Variants in GSG1L observed in about 807,000 individuals in gnomAD.
GSG1L encodes GSG1 like.
A neutral mutation model predicts 42.1 loss-of-function variants in GSG1L; 24 were observed. The observed-to-expected ratio is 0.57, with a 90% confidence interval of 0.41 to 0.80. The LOEUF (loss-of-function observed/expected upper bound fraction) is 0.80, where lower values mean the gene tolerates loss of function less well. Among genes scored for constraint, GSG1L ranks in the 30% least tolerant of loss-of-function variants. The pLI, the probability that GSG1L is intolerant of heterozygous loss-of-function variation, is 0.00. For missense variants in GSG1L, 445 were observed against 472.2 expected (o/e 0.94, Z 0.53); for synonymous variants, 215 against 203.5 (o/e 1.06, Z -0.48).
At chr16:27,902,092 T>C (rs1418332516) in intron 2 of GSG1L, among the ~76,000 whole-genome samples, 1 of 152,172 alleles carries the variant, frequency 6.6e-6, no homozygotes, top group Admixed American at 6.5e-5. Context: ...GTGGTGTTAT[T>C]CACTGGTTTA....
intron 4 of GSG1L, among the ~76,000 whole-genome samples, chr16:27,844,342 C>A (rs759792376): frequency 2.0e-5 from 3 of 152,166 alleles, no homozygotes; most frequent in Non-Finnish European, 2.9e-5. Context: ...GACCTGTTTC[C>A]TGTATTCAGA....
At position 27,788,334 on chromosome 16, in the gene GSG1L, C is replaced by T. The variant is rs1385677175; in HGVS notation, c.*3036G>A. The T allele has an allele frequency of 6.6e-6, 1 of 152,160 alleles. No homozygotes were observed. Among genetic ancestry groups the T allele is most frequent in the South Asian group, 2.1e-4 (1 of 4,828 alleles). 9.4% of individuals were successfully genotyped at this position (152,160 alleles called of 1,614,324 possible). A position where few individuals can be genotyped will look rare whatever the true frequency, so the allele number is the denominator to read the frequency against. On this transcript the variant is annotated 3_prime_UTR_variant, in exon 7 of 7. Transcript: ENST00000447459. ...GGATGAGGAAGGGAGAAGCATCTCC[C>T]ACAACTATTCTGTGCCCATAGTTGC...
chr16:27,970,051 TG>T lies in GSG1L; in HGVS notation c.350-6849del, dbSNP rs560058096. Among the ~76,000 whole-genome samples the T allele has an allele frequency of 1.8e-3, 271 of 152,322 alleles. 7 individuals carry two copies. The highest frequency in any genetic ancestry group is 1.6e-3 in the Non-Finnish European group (112 of 68,030). On this transcript the variant is annotated intron_variant, in intron 1 of 6. Transcript: ENST00000447459. ...AGACCCTTTGCCCACTTTTTAATTG[TG>T]TCATTTGTCCTTTTATTATGGGTGA...
chr16:28,010,443 C>T (rs1042599396), intron 1 of GSG1L, among the ~76,000 whole-genome samples: 2 of 152,102 alleles, frequency 1.3e-5, no homozygotes, highest in Non-Finnish European at 2.9e-5. Flanking sequence ...CACAGAGGCC[C>T]CCTCTGATTG....
At chr16:27,855,129 T>C (rs2083561406) in intron 3 of GSG1L, among the ~76,000 whole-genome samples, 1 of 152,262 alleles carries the variant, frequency 6.6e-6, no homozygotes, top group South Asian at 2.1e-4. Flanking sequence ...GATGGTGGAA[T>C]TGATGAATGA....
At position 28,063,079 on chromosome 16, in the gene GSG1L, G is replaced by C; in HGVS notation, c.346C>G (p.Leu116Val). 2 of 1,426,676 alleles carry C rather than the reference G, an allele frequency of 1.4e-6. No individual in the cohort carries two copies. Among genetic ancestry groups the C allele is most frequent in the Non-Finnish European group, 1.8e-6 (2 of 1,084,326 alleles). 88.4% of individuals were successfully genotyped at this position (1,426,676 alleles called of 1,614,324 possible). A position where few individuals can be genotyped will look rare whatever the true frequency, so the allele number is the denominator to read the frequency against. ...GCCGCCGCCCGCGCGCACTCACCAA[G>C]CCCGCTGAGCTCCTCCTCGCACGAG... is the stretch of plus-strand genomic sequence containing the variant. The part of the protein sequence containing the change: ...WYSCEEELSG[L>V]GEKCRSFIDL... Residue 116 changes from leucine (L) to valine (V), a missense_variant, in exon 1 of 7, where the codon CTT (leucine) becomes GTT (valine). Physicochemically the swap from Leu to Val is conservative, Grantham distance 32. Coordinates refer to ENST00000447459, the MANE Select transcript of GSG1L (RefSeq NM_001109763.2). This position sits in a 1 kb window ranked among gnomAD's most constrained non-coding sequence, Gnocchi z 5.8.
intron 2 of GSG1L, among the ~76,000 whole-genome samples, chr16:27,951,855 G>A (rs1411534338): frequency 6.6e-6 from 1 of 152,168 alleles, no homozygotes; most frequent in East Asian, 1.9e-4. Context: ...TTGAGGGAAC[G>A]AACAAGAGAC....
At chr16:27,940,680 A>T (rs2141082669) in intron 2 of GSG1L, among the ~76,000 whole-genome samples, 1 of 94,440 alleles carries the variant, frequency 1.1e-5, no homozygotes, top group East Asian at 2.5e-4. Context: ...AGGAAGAGGA[A>T]CATCACACTC....
intron 1 of GSG1L, among the ~76,000 whole-genome samples, chr16:28,043,742 C>A (rs931776205): frequency 6.6e-6 from 1 of 152,246 alleles, no homozygotes; most frequent in Non-Finnish European, 1.5e-5. Context: ...ACGGTTTGGG[C>A]CGGGTGTGGT....
intron 1 of GSG1L, among the ~76,000 whole-genome samples, chr16:28,018,740 C>G (rs1355418084): frequency 6.6e-6 from 1 of 152,014 alleles, no homozygotes; most frequent in Non-Finnish European, 1.5e-5. Context: ...GTCCTGAGAT[C>G]AGTCAAATAA....
At chr16:27,997,309 C>CTTTTTTTT (rs34188570) in intron 1 of GSG1L, among the ~76,000 whole-genome samples, 2 of 70,594 alleles carry the variant, frequency 2.8e-5, no homozygotes, top group Non-Finnish European at 5.7e-5. Context: ...GTGTTCTCCA[C>CTTTTTTTT]TTTTTTTTTT....
Position 27,997,309 on chromosome 16 carries a change from C to CTTTTTT in GSG1L, c.350-34112_350-34107dup, listed in dbSNP as rs34188570. The stretch of plus-strand genomic sequence containing the variant: ...GCCTACAGCTGGGAAGTGTTCTCCA[C>CTTTTTT]TTTTTTTTTTTTTTTTTTTTTTTTT... On this transcript the variant is annotated intron_variant, in intron 1 of 6. Coordinates refer to ENST00000447459, the MANE Select transcript of GSG1L (RefSeq NM_001109763.2). Among the ~76,000 whole-genome samples, 11 of 70,594 alleles carry CTTTTTT rather than the reference C, an allele frequency of 1.6e-4. 1 individual carries two copies. The highest frequency in any genetic ancestry group is 2.6e-4 in the Non-Finnish European group (9 of 34,792). 46.3% of individuals were successfully genotyped at this position (70,594 alleles called of 152,430 possible).
rs2085962279 is a variant in GSG1L, at chr16:28,031,375, TG to T, written c.349+31700del. On this transcript the variant is annotated intron_variant, in intron 1 of 6. Transcript: ENST00000447459. ...TGAGATGGGATGGGGTGGGATGAGA[TG>T]GGATGGGATGGGATGAGATGGGATA... is the stretch of plus-strand genomic sequence containing the variant. 3.8e-5 allele frequency among the ~76,000 whole-genome samples: 5 copies of T among 132,346 alleles called. No individual in the cohort carries two copies. The South Asian group carries it at 1.3e-3, about 33-fold the overall frequency. The allele number at this position is 132,346 out of a possible 152,430, so 86.8% of individuals were successfully genotyped here. A position where few individuals can be genotyped will look rare whatever the true frequency, so the allele number is the denominator to read the frequency against.
chr16:27,848,964 G>A (rs553926129), intron 3 of GSG1L, among the ~76,000 whole-genome samples: 2 of 152,200 alleles, frequency 1.3e-5, no homozygotes, highest in African/African-American at 4.8e-5. Context: ...GGGAGGCCGA[G>A]GCAGGTGGAT....
chr16:27,943,946 G>A (rs896475523), intron 2 of GSG1L, among the ~76,000 whole-genome samples: 26 of 152,268 alleles, frequency 1.7e-4, no homozygotes, highest in African/African-American at 4.8e-4. Context: ...CTCAGCCATA[G>A]ACCATACGTA....
intron 2 of GSG1L, among the ~76,000 whole-genome samples, chr16:27,888,927 G>GATAGAT (rs55977600): frequency 0.2 from 28,972 of 141,948 alleles, 3,068 homozygotes; most frequent in East Asian, 0.3. Context: ...CTTGTGCTTA[G>GATAGAT]ATAGATATAG....
chr16:27,911,289 CTCTCT>C (rs2084387638), intron 2 of GSG1L, among the ~76,000 whole-genome samples: 1 of 150,206 alleles, frequency 6.7e-6, no homozygotes, highest in African/African-American at 2.5e-5. Flanking sequence ...CTCTCTCTCT[CTCTCT>C]CCTCTCTCTC....
intron 1 of GSG1L, among the ~76,000 whole-genome samples, chr16:27,992,704 C>T (rs556539944): frequency 6.6e-6 from 1 of 152,326 alleles, no homozygotes; most frequent in Non-Finnish European, 1.5e-5. Context: ...CACGCTTCCT[C>T]TTCTGTCCTC....
intron 1 of GSG1L, among the ~76,000 whole-genome samples, chr16:27,992,603 C>A (rs992149537): frequency 1.3e-5 from 2 of 152,136 alleles, no homozygotes; most frequent in Admixed American, 6.5e-5. Flanking sequence ...ATTTCTTTTT[C>A]AAAGAAGCCA....
Sources: allele counts gnomAD v4.1 joint callset (sites outside exome capture counted in the v4.1 genomes callset), GRCh38; gene constraint gnomAD v4.1.1; non-coding constraint Gnocchi (gnomAD v3.1); transcripts MANE v1.5; gene names NCBI Gene and HGNC (gene_info 2026-07-23, HGNC 2026-07-21).